The following DPH6 variants were observed in gnomAD, a reference collection of about 807,000 sequenced individuals.
DPH6 encodes the protein diphthamine biosynthesis 6.
In DPH6, 33 loss-of-function variants were observed where a neutral mutation model predicts 38.2. That is an observed-to-expected ratio of 0.86 (90% CI 0.65 to 1.15). The LOEUF (loss-of-function observed/expected upper bound fraction) is 1.15, where lower values mean the gene tolerates loss of function less well. DPH6 is among the 50% of genes most tolerant of loss of function. DPH6 has a pLI of 0.00. For synonymous variants in DPH6, 108 were observed against 103.0 expected, an observed-to-expected ratio of 1.05 and a Z score of -0.30; for missense variants, 325 against 320.0, an observed-to-expected ratio of 1.02 and a Z score of -0.12.
intron 1 of DPH6, among the ~76,000 whole-genome samples, chr15:35,543,020 T>C (rs1352153128): frequency 3.3e-5 from 3 of 91,676 alleles, no homozygotes; most frequent in Non-Finnish European, 6.7e-5. Context: ...TATGAGAAAG[T>C]AAAAAAAAAA....
Position 35,410,629 on chromosome 15 carries a change from G to A in DPH6, c.567+206C>T, listed in dbSNP as rs529221276. The stretch of plus-strand genomic sequence containing the variant: ...CTAATTTCTTCTTAGGTATAACTGT[G>A]TCATATCTGGGTTAACAAGTTGGTA... On this transcript the variant is annotated intron_variant, in intron 6 of 8. Coordinates refer to ENST00000256538, the MANE Select transcript of DPH6 (RefSeq NM_080650.4). Among the ~76,000 whole-genome samples, 127 of 151,686 alleles carry A rather than the reference G, an allele frequency of 8.4e-4. 2 individuals carry two copies. Among genetic ancestry groups the A allele is most frequent in the African/African-American group, 3.0e-3 (125 of 41,462 alleles).
chr15:35,354,174 T>C (rs2052539765), intron 3 of DPH6, among the ~76,000 whole-genome samples: 1 of 152,166 alleles, frequency 6.6e-6, no homozygotes. Context: ...CTTAAGGAGA[T>C]TTTGGGCTGA....
At chr15:35,325,919 C>T (rs968234501), downstream of DPH6, among the ~76,000 whole-genome samples, 1 of 151,958 alleles carries the variant, frequency 6.6e-6, no homozygotes, top group Non-Finnish European at 1.5e-5. Flanking sequence ...AGACAAGACA[C>T]AAAACGGCAG....
intron 3 of DPH6, among the ~76,000 whole-genome samples, chr15:35,356,311 T>C (rs1324754848): frequency 2.0e-5 from 3 of 152,216 alleles, no homozygotes; most frequent in Non-Finnish European, 4.4e-5. Flanking sequence ...TCCAGCTTTG[T>C]TCTGTTGCTG....
At chr15:35,325,070 T>C (rs1206417757) in intron 3 of DPH6, among the ~76,000 whole-genome samples, 2 of 152,158 alleles carry the variant, frequency 1.3e-5, no homozygotes, top group Non-Finnish European at 2.9e-5. Context: ...TGCCCTTGAT[T>C]TCTCTTTTTT....
chr15:35,232,035 A>G (rs1244335237), intron 3 of DPH6, among the ~76,000 whole-genome samples: 1 of 152,158 alleles, frequency 6.6e-6, no homozygotes, highest in African/African-American at 2.4e-5. Context: ...AAACATCCAA[A>G]CTGTATCAGT....
chr15:35,169,396 T>C, the DPH6 span, among the ~76,000 whole-genome samples: 1 of 152,014 alleles, frequency 6.6e-6, no homozygotes, highest in Admixed American at 6.6e-5. Flanking sequence ...CATGGAAAAA[T>C]CCCAAGGCTG....
chr15:35,264,308 C>CT, intron 3 of DPH6, among the ~76,000 whole-genome samples: 1 of 151,964 alleles, frequency 6.6e-6, no homozygotes, highest in Non-Finnish European at 1.5e-5. Context: ...CTAAATTTTT[C>CT]TTTTTTCTAC....
chr15:35,194,293 T>C, the DPH6 span, among the ~76,000 whole-genome samples: 1 of 152,078 alleles, frequency 6.6e-6, no homozygotes, highest in African/African-American at 2.4e-5. Context: ...TTCCACAGTT[T>C]TGAGCAAAAG....
At chr15:35,376,251 T>C (rs1160814817) in intron 7 of DPH6, among the ~76,000 whole-genome samples, 1 of 152,164 alleles carries the variant, frequency 6.6e-6, no homozygotes, top group Non-Finnish European at 1.5e-5. Flanking sequence ...TCATTAGATA[T>C]TTGTTGAATA....
At chr15:35,192,461 A>G in the DPH6 span, among the ~76,000 whole-genome samples, 2 of 152,028 alleles carry the variant, frequency 1.3e-5, no homozygotes, top group African/African-American at 2.4e-5. Context: ...GAATAGCTCT[A>G]TTTTTCCCCC....
At chr15:35,470,721 G>C (rs1347018152) in intron 3 of DPH6, among the ~76,000 whole-genome samples, 1 of 152,070 alleles carries the variant, frequency 6.6e-6, no homozygotes, top group Non-Finnish European at 1.5e-5. Context: ...TCCACTTCAA[G>C]AATAACAAAG....
chr15:35,281,613 A>G (rs66574310), intron 3 of DPH6, among the ~76,000 whole-genome samples: 4,626 of 152,246 alleles, frequency 0.03, 204 homozygotes, highest in African/African-American at 0.1. Context: ...CATCCAAAAC[A>G]TTGGTCTACT....
chr15:35,534,146 G>C (rs1010969977), intron 3 of DPH6, among the ~76,000 whole-genome samples: 1 of 152,126 alleles, frequency 6.6e-6, no homozygotes, highest in Non-Finnish European at 1.5e-5. Context: ...GGGAGGCCGA[G>C]GTGGACAGAG....
In DPH6 at chr15:35,302,156, G is replaced by C. The variant is rs182516375; in HGVS notation, n.200+71365C>G. ...AATCAAACTGAATACCAAATCTTTG[G>C]TAACAAAAGGGAAAAGGTTTCCACT... On this transcript the variant is annotated intron_variant and non_coding_transcript_variant, in intron 3 of 3. Coordinates refer to the DPH6 transcript ENST00000560386. Among the ~76,000 whole-genome samples the C allele has an allele frequency of 5.2e-3, 790 of 152,160 alleles. 4 individuals carry two copies. The highest frequency in any genetic ancestry group is 0.018 in the African/African-American group (757 of 41,524).
the DPH6 span, among the ~76,000 whole-genome samples, chr15:35,191,406 C>G: frequency 6.6e-6 from 1 of 152,122 alleles, no homozygotes. Context: ...TTTTTGGAGA[C>G]CTTCTCTGTT....
At chr15:35,230,977 C>T (rs528946643) in intron 3 of DPH6, among the ~76,000 whole-genome samples, 25 of 152,276 alleles carry the variant, frequency 1.6e-4, no homozygotes, top group South Asian at 6.2e-4. Flanking sequence ...GGTTTAGGGG[C>T]GGGGTGATGC....
intron 3 of DPH6, among the ~76,000 whole-genome samples, chr15:35,221,981 T>C (rs1004704225): frequency 5.3e-5 from 8 of 152,322 alleles, no homozygotes; most frequent in Non-Finnish European, 1.0e-4. Context: ...CCCTGGGCCA[T>C]GGACACAATT....
At chr15:35,213,136 G>A (rs2051395786), downstream of DPH6, among the ~76,000 whole-genome samples, 1 of 152,154 alleles carries the variant, frequency 6.6e-6, no homozygotes, top group South Asian at 2.1e-4. Flanking sequence ...CTGAGGTAAG[G>A]CCTGGAATTC....
Sources: allele counts gnomAD v4.1 joint callset (sites outside exome capture counted in the v4.1 genomes callset), GRCh38; gene constraint gnomAD v4.1.1; transcripts MANE v1.5; gene names NCBI Gene and HGNC (gene_info 2026-07-23, HGNC 2026-07-21).